The following POLN variants were observed in gnomAD, a reference collection of about 807,000 sequenced individuals.
POLN encodes the protein DNA polymerase N.
POLN carries 108 observed loss-of-function variants against 113.5 expected under a neutral mutation model. That is an observed-to-expected ratio of 0.95 (90% CI 0.81 to 1.12). The LOEUF is 1.12. Among genes scored for constraint, POLN ranks in the 50% most tolerant of loss-of-function variants. POLN has a pLI of 0.00. For synonymous variants in POLN, 386 were observed against 391.5 expected (o/e 0.99, Z 0.17); for missense variants, 1,097 against 1,077.1 (o/e 1.02, Z -0.26).
chr4:2,140,763 T>C (rs559834719), intron 16 of POLN: 4 of 151,798 alleles, frequency 2.6e-5, no homozygotes, highest in Non-Finnish European at 4.4e-5. Flanking sequence ...AAAAAAAAAA[T>C]TGCCACTTGT....
At chr4:2,190,235 G>C (rs1733406768) in intron 7 of POLN, among the ~76,000 whole-genome samples, 1 of 152,056 alleles carries the variant, frequency 6.6e-6, no homozygotes, top group Non-Finnish European at 1.5e-5. Context: ...GAACAGAATA[G>C]AGACCCCAGA....
At chr4:2,224,880 G>A (rs1201031894) in intron 3 of POLN, among the ~76,000 whole-genome samples, 1 of 152,058 alleles carries the variant, frequency 6.6e-6, no homozygotes, top group Admixed American at 6.6e-5. Flanking sequence ...GAACTGGGAG[G>A]TGGAGGTTGC....
chr4:2,160,823 T>C (rs1041438350), intron 13 of POLN, among the ~76,000 whole-genome samples: 5 of 152,218 alleles, frequency 3.3e-5, no homozygotes, highest in African/African-American at 1.2e-4. Context: ...CATATGAATG[T>C]TTACCTACCT....
At chr4:2,173,507 C>CCA (rs200788289) in intron 11 of POLN, among the ~76,000 whole-genome samples, 673 of 42,972 alleles carry the variant, frequency 0.016, 4 homozygotes, top group Non-Finnish European at 0.054. Context: ...TTCATCTTTG[C>CCA]CCCGCCCCGC....
chr4:2,080,220 A>C (rs951514150), intron 23 of POLN: 12 of 988,046 alleles, frequency 1.2e-5, no homozygotes, highest in Non-Finnish European at 1.4e-5. Context: ...CAGCACCCCC[A>C]GGCCTTGGCT....
intron 16 of POLN, among the ~76,000 whole-genome samples, chr4:2,137,566 AC>A (rs1288465805): frequency 2.6e-5 from 4 of 152,098 alleles, no homozygotes; most frequent in Admixed American, 1.3e-4. Context: ...GGGGTCTGGA[AC>A]CCTGTGAGTG....
chr4:2,213,029 A>G lies in POLN; in HGVS notation c.213+18T>C. ...ATAAGTTATCTATTTAAAATTACTC[A>G]TATGTGCAATGATTTACCTTTTTTT... is the stretch of plus-strand genomic sequence containing the variant. On this transcript the variant is annotated intron_variant, in intron 4 of 25. Transcript: ENST00000511885. 1 of 1,554,408 alleles carries G rather than the reference A, an allele frequency of 6.4e-7. No individual in the cohort carries two copies.
At chr4:2,178,533 G>A (rs1733050202) in intron 8 of POLN, among the ~76,000 whole-genome samples, 1 of 152,166 alleles carries the variant, frequency 6.6e-6, no homozygotes, top group Admixed American at 6.5e-5. Context: ...GAAGGTGTGA[G>A]TGCCTTTGTT....
At chr4:2,128,059 A>T (rs1397979111) in intron 19 of POLN, 54 bp downstream of exon 19, 1 of 1,147,984 alleles carries the variant, frequency 8.7e-7, no homozygotes, top group Non-Finnish European at 1.3e-6. Flanking sequence ...AGGCTTTTAA[A>T]CTCATGTTGG....
chr4:2,072,348 C>A, intron 25 of POLN, 49 bp from the exon 26 acceptor site: 2 of 1,452,926 alleles, frequency 1.4e-6, no homozygotes, highest in South Asian at 2.9e-5. Context: ...CAGCCACCCC[C>A]AGCCACCTCC....
chr4:2,074,715 C>T (rs1337863178), intron 24 of POLN, among the ~76,000 whole-genome samples: 1 of 152,094 alleles, frequency 6.6e-6, no homozygotes, highest in East Asian at 1.9e-4. Context: ...GCCCTGACGC[C>T]CCCGTGCCTC....
chr4:2,239,999 T>C, intron 2 of POLN: 1 of 1,493,576 alleles, frequency 6.7e-7, no homozygotes, highest in African/African-American at 1.4e-5. Flanking sequence ...TTCCTAACAA[T>C]AATTACAATG....
rs1383644469 is a variant in POLN, at chr4:2,115,224, A to ATT, written c.1982+12888_1982+12889insAA. Among the ~76,000 whole-genome samples, 856 of 93,234 alleles carry ATT rather than the reference A, an allele frequency of 9.2e-3. 3 individuals are homozygous for ATT. Among genetic ancestry groups the ATT allele is most frequent in the Middle Eastern group, 0.051 (12 of 234 alleles). 61.2% of individuals were successfully genotyped at this position (93,234 alleles called of 152,430 possible). ...CCACCACAGCTATATATATATATAT[A>ATT]TATATTTTTTTTTTTGTAGTTTTAG... On this transcript the variant is annotated intron_variant, in intron 19 of 25. Coordinates refer to ENST00000511885, the MANE Select transcript of POLN (RefSeq NM_181808.4).
intron 5 of POLN, among the ~76,000 whole-genome samples, chr4:2,207,299 G>A (rs1439784557): frequency 6.6e-6 from 1 of 151,812 alleles, no homozygotes; most frequent in Non-Finnish European, 1.5e-5. Flanking sequence ...TGTGTGCAGT[G>A]TATACTGCTT....
intron 13 of POLN, among the ~76,000 whole-genome samples, chr4:2,164,693 C>T (rs1220377744): frequency 1.3e-5 from 2 of 150,576 alleles, no homozygotes; most frequent in African/African-American, 4.9e-5. Flanking sequence ...GTCCCAACTA[C>T]TCGGGAGGCT....
intron 2 of POLN, chr4:2,236,290 C>A: frequency 6.2e-7 from 1 of 1,613,664 alleles, no homozygotes; most frequent in African/African-American, 1.3e-5. Context: ...ATGTCCACAT[C>A]CTTATTCCGT....
At chr4:2,159,671 AC>A (rs1335072602) in intron 13 of POLN, among the ~76,000 whole-genome samples, 1 of 152,218 alleles carries the variant, frequency 6.6e-6, no homozygotes, top group Non-Finnish European at 1.5e-5. Context: ...GTTAACCACC[AC>A]CCACAGCGAG....
At chr4:2,098,059 C>T (rs1284008388) in intron 19 of POLN, among the ~76,000 whole-genome samples, 1 of 152,104 alleles carries the variant, frequency 6.6e-6, no homozygotes, top group African/African-American at 2.4e-5. Flanking sequence ...GCTATTTTGC[C>T]ACCTTGTTTA....
At chr4:2,234,068 A>C (rs1028440887) in intron 2 of POLN, among the ~76,000 whole-genome samples, 2 of 152,250 alleles carry the variant, frequency 1.3e-5, no homozygotes, top group Non-Finnish European at 1.5e-5. Flanking sequence ...AAAAAAAAGA[A>C]GACTATCAAA....
Sources: allele counts gnomAD v4.1 joint callset (sites outside exome capture counted in the v4.1 genomes callset), GRCh38; gene constraint gnomAD v4.1.1; transcripts MANE v1.5; gene names NCBI Gene and HGNC (gene_info 2026-07-23, HGNC 2026-07-21).